The following CDCA3 variants were observed in gnomAD, a reference collection of about 807,000 sequenced individuals.
CDCA3 encodes the protein cell division cycle-associated protein 3.
CDCA3 carries 16 observed loss-of-function variants against 29.1 expected under a neutral mutation model. The observed-to-expected ratio is 0.55, with a 90% CI of 0.37 to 0.83. The LOEUF (loss-of-function observed/expected upper bound fraction) is 0.83, where lower values mean the gene tolerates loss of function less well. Ranked by LOEUF, CDCA3 falls within the 40% of genes least tolerant of loss-of-function variation. The probability of loss-of-function intolerance (pLI) is 0.00; values close to 1 mark genes in which losing one functional copy is unlikely to be tolerated. For missense variants in CDCA3, 291 were observed against 327.2 expected (o/e 0.89, Z 0.85); for synonymous variants, 88 against 124.5 (o/e 0.71, Z 1.95).
At chr12:6,846,850 G>A (rs980402875), downstream of CDCA3, 9 of 1,602,184 alleles carry the variant, frequency 5.6e-6, no homozygotes, top group Non-Finnish European at 6.8e-6. Flanking sequence ...CTGACGGGAT[G>A]GCTGTGGCCA....
chr12:6,847,037 A>G (rs1943720106), downstream of CDCA3: 2 of 624,370 alleles, frequency 3.2e-6, no homozygotes, highest in African/African-American at 3.6e-5. Context: ...AGTGGGGAGC[A>G]TGGGACTGTG....
Position 6,848,904 on chromosome 12 carries a change from A to G in CDCA3, c.*139T>C, listed in dbSNP as rs1943757584. ...CACAAGACACAAAGAAAGCCCAATA[A>G]AGCTGTGAGTCCCAGTTTGGTAGCT... On this transcript the variant is annotated 3_prime_UTR_variant, in exon 6 of 6. Transcript: ENST00000538862. 1.7e-6 allele frequency: 1 copy of G among 603,892 alleles called. No homozygotes were observed. The highest frequency in any genetic ancestry group is 3.1e-5 in the Admixed American group (1 of 32,684). The allele number at this position is 603,892 out of a possible 1,614,324, so 37.4% of individuals were successfully genotyped here.
At chr12:6,846,688 TACACACAC>T (rs782215016), downstream of CDCA3, 3 of 629,630 alleles carry the variant, frequency 4.8e-6, no homozygotes, top group Admixed American at 6.9e-5. Flanking sequence ...CACACCCACA[TACACACAC>T]ACACCCACAC....
downstream of CDCA3, among the ~76,000 whole-genome samples, chr12:6,847,786 AAAG>A (rs1943735831): frequency 6.6e-6 from 1 of 152,208 alleles, no homozygotes; most frequent in African/African-American, 2.4e-5. Flanking sequence ...GATCTTTCAG[AAAG>A]AAGCAGTGTA....
At chr12:6,846,499 A>G (rs1943700969), downstream of CDCA3, 1 of 293,600 alleles carries the variant, frequency 3.4e-6, no homozygotes, top group Non-Finnish European at 6.4e-6. Context: ...CCCCAACCAA[A>G]GCTCTTGACA....
downstream of CDCA3, chr12:6,847,439 C>G (rs1323450297): frequency 6.4e-6 from 1 of 155,344 alleles, no homozygotes; most frequent in African/African-American, 2.4e-5. Flanking sequence ...CAAAAAGACC[C>G]AGGTCCCATT....
Position 6,851,003 on chromosome 12 carries a change from G to A in CDCA3, c.-51C>T, listed in dbSNP as rs782483798. ...GCAAGGGCCAGCCCGGGACGAGGAG[G>A]GAATGCCTGTGAGAAGTGACTCAGG... is the stretch of plus-strand genomic sequence containing the variant. On this transcript the variant is annotated 5_prime_UTR_variant, in exon 2 of 6. Coordinates refer to ENST00000538862, the MANE Select transcript of CDCA3 (RefSeq NM_031299.7). 20 of 1,576,346 alleles carry A rather than the reference G, an allele frequency of 1.3e-5. No individual in the cohort carries two copies. The highest frequency in any genetic ancestry group is 1.8e-4 in the Middle Eastern group (1 of 5,714).
chr12:6,849,228 A>T lies in CDCA3; in HGVS notation c.652-30T>A. 6.2e-7 allele frequency: 1 copy of T among 1,613,176 alleles called. No homozygotes were observed. Among genetic ancestry groups the T allele is most frequent in the Non-Finnish European group, 8.5e-7 (1 of 1,179,482 alleles). ...AAACGGCAGTGTATGAGTTGGGGGG[A>T]GTTGCTGTTCAGAAGAGGGAAGATC... On this transcript the variant is annotated intron_variant, in intron 5 of 5. Transcript: ENST00000538862. The surrounding 1 kb of genome is among the most constrained non-coding windows in gnomAD (Gnocchi z 5.2).
rs782108886 is a variant in CDCA3, at chr12:6,850,269, C to T, written c.250+198G>A. On this transcript the variant is annotated intron_variant, in intron 3 of 5. Transcript: ENST00000538862. This position sits in a 1 kb window ranked among gnomAD's most constrained non-coding sequence, Gnocchi z 4.7. The stretch of plus-strand genomic sequence containing the variant: ...CTGGGCTCAAGCGATCTGACCACCC[C>T]GGCCTTCCAACGTGCTGGGATTACA... 4.2e-5 allele frequency: 28 copies of T among 671,582 alleles called. No homozygotes were observed. Among genetic ancestry groups the T allele is most frequent in the Non-Finnish European group, 6.4e-5 (26 of 403,490 alleles). 41.6% of individuals were successfully genotyped at this position (671,582 alleles called of 1,614,324 possible).
Position 6,851,279 on chromosome 12 carries a change from C to T in CDCA3, c.-115G>A. The stretch of plus-strand genomic sequence containing the variant: ...GCTCGTGGCTCAACTCCCGAAGTTA[C>T]CAGTTTCAAACTTCCCGCCACGCCC... On this transcript the variant is annotated 5_prime_UTR_variant, in exon 1 of 6. Transcript: ENST00000538862. 8.9e-7 allele frequency: 1 copy of T among 1,123,936 alleles called. No individual in the cohort carries two copies. Among genetic ancestry groups the T allele is most frequent in the South Asian group, 2.6e-5 (1 of 37,740 alleles). The allele number at this position is 1,123,936 out of a possible 1,614,324, so 69.6% of individuals were successfully genotyped here.
rs781943073 is a variant in CDCA3, at chr12:6,848,972, G to C, written c.*71C>G. ...AACAAGCCATTCCTCAGTATCCCTG[G>C]GAAAGAAGGGGTGAGAGGACACAGA... On this transcript the variant is annotated 3_prime_UTR_variant, in exon 6 of 6. Transcript: ENST00000538862. 3 of 716,094 alleles carry C rather than the reference G, an allele frequency of 4.2e-6. No individual in the cohort carries two copies. The East Asian group carries it at 7.5e-5, about 18-fold the overall frequency. 44.4% of individuals were successfully genotyped at this position (716,094 alleles called of 1,614,324 possible).
rs782197438 is a variant in CDCA3, at chr12:6,850,391, A to C, written c.250+76T>G. On this transcript the variant is annotated intron_variant, in intron 3 of 5. Transcript: ENST00000538862. This position sits in a 1 kb window ranked among gnomAD's most constrained non-coding sequence, Gnocchi z 4.7. ...ATAGAGGCCCCTTTAAGGAACCCTG[A>C]GAGAATGGCTTCATGGACCCTACCC... 2 of 1,582,880 alleles carry C rather than the reference A, an allele frequency of 1.3e-6. No individual in the cohort carries two copies. Among genetic ancestry groups the C allele is most frequent in the Non-Finnish European group, 1.7e-6 (2 of 1,155,976 alleles).
chr12:6,850,911 A>G lies in CDCA3; in HGVS notation c.42T>C (p.Pro14=), dbSNP rs782547370. ...GAGCCAGATGCTTGTTGTGCGGCGG[A>G]GGCCGCGCTGGTGTGACTGGGACGC... The part of the protein sequence containing the change: ...AKSVPVTPAR[P]PPHNKHLARV... The change falls in exon 2 of 6, where the codon CCT becomes CCC. Residue 14 remains proline (P), a synonymous_variant. Transcript: ENST00000538862. This position sits in a 1 kb window ranked among gnomAD's most constrained non-coding sequence, Gnocchi z 4.7. 6.2e-7 allele frequency: 1 copy of G among 1,613,050 alleles called. No individual in the cohort carries two copies. The highest frequency in any genetic ancestry group is 1.7e-4 in the Middle Eastern group (1 of 6,056).
Position 6,849,373 on chromosome 12 carries a change from G to T in CDCA3, c.601C>A (p.Leu201Ile). 1.2e-6 allele frequency: 2 copies of T among 1,605,644 alleles called. No homozygotes were observed. The highest frequency in any genetic ancestry group is 2.2e-5 in the South Asian group (2 of 89,564). Residue 201 changes from leucine (L) to isoleucine (I), a missense_variant, in exon 5 of 6, where the codon CTC becomes ATC. By Grantham distance (5) the Leu-to-Ile change is conservative. Coordinates refer to ENST00000538862, the MANE Select transcript of CDCA3 (RefSeq NM_031299.7). The surrounding 1 kb of genome is among the most constrained non-coding windows in gnomAD (Gnocchi z 5.2). ...NSSKVLGRSP[L>I]TILQDDNSPG... ...GAGTTGTCATCCTGCAGGATGGTGA[G>T]GGGGGATCTCCCTAGTACCTTGCTG... is the stretch of plus-strand genomic sequence containing the variant.
rs1178603986 is a variant in CDCA3 at position 6,849,138 on chromosome 12, C to T, written c.712G>A (p.Gly238Arg). The change falls in exon 6 of 6, where the codon GGA (glycine) becomes AGA (arginine). Residue 238 changes from glycine (G) to arginine (R), a missense_variant. Physicochemically the swap from Gly to Arg is moderately radical, Grantham distance 125. Coordinates refer to ENST00000538862, the MANE Select transcript of CDCA3 (RefSeq NM_031299.7). This position sits in a 1 kb window ranked among gnomAD's most constrained non-coding sequence, Gnocchi z 5.2. Reference sequence around the variant, plus strand: ...CCAGTTTTCAGAAGTCGTCCAGTTCCAAGAATGGCTCCTTCCTTTAGTTCA... The same window carrying T: ...CCAGTTTTCAGAAGTCGTCCAGTTCTAAGAATGGCTCCTTCCTTTAGTTCA... Reference protein sequence around the residue: ...VSELKEGAILGTGRLLKTGGR... With the variant: ...VSELKEGAILRTGRLLKTGGR... 1 of 1,611,212 alleles carries T rather than the reference C, an allele frequency of 6.2e-7. No individual in the cohort carries two copies. The highest frequency in any genetic ancestry group is 8.5e-7 in the Non-Finnish European group (1 of 1,177,430).
At chr12:6,845,477 G>A, downstream of CDCA3, 1 of 709,842 alleles carries the variant, frequency 1.4e-6, no homozygotes, top group Non-Finnish European at 2.4e-6. Flanking sequence ...AGGCAGGGAG[G>A]CTGAGAGCAG....
At chr12:6,847,869 G>A (rs1943737435), downstream of CDCA3, among the ~76,000 whole-genome samples, 2 of 152,174 alleles carry the variant, frequency 1.3e-5, no homozygotes, top group African/African-American at 2.4e-5. Flanking sequence ...ATGCAAGAGC[G>A]ACAGGACAGA....
Position 6,849,506 on chromosome 12 carries a change from C to T in CDCA3, c.544+59G>A. The T allele has an allele frequency of 6.4e-7, 1 of 1,565,700 alleles. No homozygotes were observed. The highest frequency in any genetic ancestry group is 8.7e-7 in the Non-Finnish European group (1 of 1,153,636). On this transcript the variant is annotated intron_variant, in intron 4 of 5. Coordinates refer to ENST00000538862, the MANE Select transcript of CDCA3 (RefSeq NM_031299.7). This position sits in a 1 kb window ranked among gnomAD's most constrained non-coding sequence, Gnocchi z 5.2. ...TATTCCTCCCACACTCACCCATGGA[C>T]CTTATCCCAAAACATTATCCTAGTT... is the stretch of plus-strand genomic sequence containing the variant.
chr12:6,850,972 G>GT lies in CDCA3; in HGVS notation c.-21dup. On this transcript the variant is annotated 5_prime_UTR_variant, in exon 2 of 6. Transcript: ENST00000538862. This position sits in a 1 kb window ranked among gnomAD's most constrained non-coding sequence, Gnocchi z 4.7. ...GCCCATCTCAACCAGGAGTTGCAGGGTGGGGGCAAGGGCCAGCCCGGGACG... is the reference window on the plus strand; with the variant it reads ...GCCCATCTCAACCAGGAGTTGCAGGGTTGGGGGCAAGGGCCAGCCCGGGACG... 6.2e-7 allele frequency: 1 copy of GT among 1,603,260 alleles called. No individual in the cohort carries two copies.
Sources: gnomAD v4.1 joint callset for allele counts (sites outside exome capture counted in the v4.1 genomes callset) on GRCh38, gnomAD v4.1.1 for gene constraint, Gnocchi (gnomAD v3.1) non-coding constraint, MANE v1.5 for transcripts, NCBI Gene and HGNC (gene_info 2026-07-23, HGNC 2026-07-21) for gene names.